The following PTCD3 variants were observed in gnomAD, a reference collection of about 807,000 sequenced individuals.
The protein encoded by PTCD3 is small ribosomal subunit protein mS39.
PTCD3 carries 89 observed loss-of-function variants against 101.9 expected under a neutral mutation model. The ratio of observed to expected loss-of-function variants is 0.87; its 90% confidence interval spans 0.74 to 1.04. The LOEUF is 1.04. PTCD3 is among the 50% of genes least tolerant of loss of function. The pLI, the probability that PTCD3 is intolerant of heterozygous loss-of-function variation, is 0.00. For synonymous variants in PTCD3, 296 were observed against 278.5 expected, an observed-to-expected ratio of 1.06 and a Z score of -0.63; for missense variants, 870 against 828.2, an observed-to-expected ratio of 1.05 and a Z score of -0.62.
At chr2:86,106,525 A>G (rs1459134255) in intron 1 of PTCD3, among the ~76,000 whole-genome samples, 174 bp downstream of exon 1, 3 of 152,218 alleles carry the variant, frequency 2.0e-5, no homozygotes, top group Non-Finnish European at 4.4e-5. Context: ...AGGATTCGCA[A>G]CGCATTTATT....
chr2:86,111,457 A>G (rs4453697), intron 4 of PTCD3, among the ~76,000 whole-genome samples: 151,201 of 151,822 alleles, frequency 1, 75,291 homozygotes, highest in East Asian at 1. Context: ...GCGTGGTGGC[A>G]GGCACCTGTA....
intron 12 of PTCD3, among the ~76,000 whole-genome samples, chr2:86,126,514 T>C (rs1674392619): frequency 6.6e-6 from 1 of 152,130 alleles, no homozygotes; most frequent in African/African-American, 2.4e-5. Flanking sequence ...AAAGTTGAAA[T>C]CACTGGATTG....
At chr2:86,120,371 A>T (rs1454934799) in intron 7 of PTCD3, among the ~76,000 whole-genome samples, 3 of 152,174 alleles carry the variant, frequency 2.0e-5, no homozygotes, top group Non-Finnish European at 4.4e-5. Flanking sequence ...AGTGCAAAAC[A>T]CTGTGCTAGC....
intron 20 of PTCD3, 25 bp downstream of exon 20, chr2:86,134,402 T>C: frequency 6.4e-7 from 1 of 1,563,846 alleles, no homozygotes; most frequent in Non-Finnish European, 8.8e-7. Context: ...CACCAGCCAG[T>C]ATATCCTCCC....
At chr2:86,129,836 T>C (rs1269244478) in intron 14 of PTCD3, among the ~76,000 whole-genome samples, 2 of 152,032 alleles carry the variant, frequency 1.3e-5, no homozygotes, top group Non-Finnish European at 2.9e-5. Flanking sequence ...ACAAAACAGG[T>C]AGGGAAAGGA....
intron 21 of PTCD3, chr2:86,135,897 C>T (rs967711173): frequency 1.7e-5 from 9 of 518,534 alleles, no homozygotes; most frequent in East Asian, 1.1e-4. Context: ...CGCAGGGGTA[C>T]GGACCTCAGC....
chr2:86,107,804 A>ACTT (rs1673991255), intron 1 of PTCD3, among the ~76,000 whole-genome samples: 2 of 152,236 alleles, frequency 1.3e-5, no homozygotes, highest in Non-Finnish European at 2.9e-5. Flanking sequence ...TGATCAGGGC[A>ACTT]GTATCTGTAT....
At chr2:86,128,877 C>G (rs1387104653) in intron 14 of PTCD3, among the ~76,000 whole-genome samples, 1 of 152,234 alleles carries the variant, frequency 6.6e-6, no homozygotes, top group Non-Finnish European at 1.5e-5. Context: ...TGCTACTGTG[C>G]TTGGAGGGCA....
chr2:86,134,700 A>C, intron 20 of PTCD3, 139 bp from the exon 21 acceptor site: 1 of 1,003,476 alleles, frequency 1.0e-6, no homozygotes, highest in East Asian at 2.4e-5. Context: ...TTTTTTATTA[A>C]ATTACTTGTG....
At position 86,107,099 on chromosome 2, in the gene PTCD3, T is replaced by C. The variant is rs151097919; in HGVS notation, c.104+748T>C. 1.3e-4 allele frequency: 61 copies of C among 471,056 alleles called. 1 individual carries two copies. The highest frequency in any genetic ancestry group is 1.1e-3 in the African/African-American group (57 of 50,212). 29.2% of individuals were successfully genotyped at this position (471,056 alleles called of 1,614,324 possible). On this transcript the variant is annotated intron_variant, in intron 1 of 23. Transcript: ENST00000254630. Reference sequence around the variant, plus strand: ...GGGTATGTAATTTACAATATGTTTTTATATGTACTCTCCCTTAGTTCCCCT... The same window carrying C: ...GGGTATGTAATTTACAATATGTTTTCATATGTACTCTCCCTTAGTTCCCCT...
At chr2:86,120,386 TCA>T (rs1178898215) in intron 7 of PTCD3, among the ~76,000 whole-genome samples, 22 of 152,196 alleles carry the variant, frequency 1.4e-4, no homozygotes, top group African/African-American at 4.8e-5. Flanking sequence ...GCTAGCCATT[TCA>T]CATACTTAAT....
Position 86,113,266 on chromosome 2 carries a change from CAA to C in PTCD3, c.240+2109_240+2110del, listed in dbSNP as rs1192615513. 3.9e-5 allele frequency among the ~76,000 whole-genome samples: 6 copies of C among 152,128 alleles called. No individual in the cohort carries two copies. The South Asian group carries it at 6.2e-4, about 16-fold the overall frequency. ...CATGAAATTTTCTCTGTTGGCAACTCAAGAGTAGAGTTTGTAGTCTGGTAGAT... is the reference window on the plus strand; with the variant it reads ...CATGAAATTTTCTCTGTTGGCAACTCGAGTAGAGTTTGTAGTCTGGTAGAT... On this transcript the variant is annotated intron_variant, in intron 4 of 23. Transcript: ENST00000254630.
intron 14 of PTCD3, among the ~76,000 whole-genome samples, chr2:86,128,644 T>C (rs1234484855): frequency 6.6e-6 from 1 of 152,138 alleles, no homozygotes; most frequent in Non-Finnish European, 1.5e-5. Flanking sequence ...AAGGTAAACT[T>C]ATTGTGAAGC....
At chr2:86,112,355 C>CT (rs368645963) in intron 4 of PTCD3, among the ~76,000 whole-genome samples, 46,698 of 138,684 alleles carry the variant, frequency 0.34, 8,032 homozygotes, top group East Asian at 0.5. Flanking sequence ...AGTGCCCGGC[C>CT]TTTTTTTTTT....
rs1674614195 is a variant in PTCD3 at position 86,137,704 on chromosome 2, C to T, written c.*145C>T. 8 of 1,174,568 alleles carry T rather than the reference C, an allele frequency of 6.8e-6. No individual in the cohort carries two copies. Among genetic ancestry groups the T allele is most frequent in the South Asian group, 1.4e-5 (1 of 70,844 alleles). The allele number at this position is 1,174,568 out of a possible 1,614,324, so 72.8% of individuals were successfully genotyped here. Reference sequence around the variant, plus strand: ...TTGTTACTGTGAGGTACAGTCAGTACACAGCTGACTTATGTAGATTTAAGC... The same window carrying T: ...TTGTTACTGTGAGGTACAGTCAGTATACAGCTGACTTATGTAGATTTAAGC... On this transcript the variant is annotated 3_prime_UTR_variant, in exon 24 of 24. Coordinates refer to ENST00000254630, the MANE Select transcript of PTCD3 (RefSeq NM_017952.6).
rs1459470283 is a variant in PTCD3, at chr2:86,141,018, GAA to G, written c.*3462_*3463del. 6.6e-6 allele frequency: 1 copy of G among 151,904 alleles called. No individual in the cohort carries two copies. Among genetic ancestry groups the G allele is most frequent in the African/African-American group, 2.4e-5 (1 of 41,266 alleles). 9.4% of individuals were successfully genotyped at this position (151,904 alleles called of 1,614,324 possible). On this transcript the variant is annotated 3_prime_UTR_variant, in exon 24 of 24. Coordinates refer to ENST00000254630, the MANE Select transcript of PTCD3 (RefSeq NM_017952.6). Reference sequence around the variant, plus strand: ...CAGAGCTCTGTGATTTAAGATGCTCGAAAAGAGTGTCCAAGAGGAGTAAAGGT... The same window carrying G: ...CAGAGCTCTGTGATTTAAGATGCTCGAAGAGTGTCCAAGAGGAGTAAAGGT...
rs79177031 is a variant in PTCD3 at position 86,107,192 on chromosome 2, C to T, written c.104+841C>T. 2.9e-3 allele frequency: 1,363 copies of T among 471,224 alleles called. 15 individuals carry two copies. The highest frequency in any genetic ancestry group is 0.023 in the African/African-American group (1,178 of 50,216). 29.2% of individuals were successfully genotyped at this position (471,224 alleles called of 1,614,324 possible). ...GTGCTGCCATTCAATGCCAGTCCTCCGTTTCCTGGTAGCCATCGTTAGCAT... is the reference window on the plus strand; with the variant it reads ...GTGCTGCCATTCAATGCCAGTCCTCTGTTTCCTGGTAGCCATCGTTAGCAT... On this transcript the variant is annotated intron_variant, in intron 1 of 23. Transcript: ENST00000254630.
intron 4 of PTCD3, among the ~76,000 whole-genome samples, chr2:86,112,302 C>T (rs868738288): frequency 9.1e-4 from 134 of 147,240 alleles, no homozygotes; most frequent in African/African-American, 3.2e-3. Flanking sequence ...CTGATCCACC[C>T]GCCTTGGCCT....
chr2:86,124,887 G>T (rs4832250), intron 9 of PTCD3, 108 bp from the exon 10 acceptor site: 1,218,627 of 1,419,540 alleles, frequency 0.86, 526,612 homozygotes, highest in South Asian at 0.88. Context: ...ATAATGTATA[G>T]AAAGTACTTG....
Sources: gnomAD v4.1 joint callset for allele counts (sites outside exome capture counted in the v4.1 genomes callset) on GRCh38, gnomAD v4.1.1 for gene constraint, MANE v1.5 for transcripts, NCBI Gene and HGNC (gene_info 2026-07-23, HGNC 2026-07-21) for gene names.